NDNF: variants seen among roughly 807,000 people sequenced by gnomAD.
The protein encoded by NDNF is neuron derived neurotrophic factor, also known as protein NDNF.
NDNF carries 16 observed loss-of-function variants against 42.0 expected under a neutral mutation model. The observed-to-expected ratio is 0.38, with a 90% CI of 0.26 to 0.58. The LOEUF is 0.58. NDNF is among the 20% of genes least tolerant of loss of function. The probability of loss-of-function intolerance (pLI) is 0.67; values close to 1 mark genes in which losing one functional copy is unlikely to be tolerated. For synonymous variants in NDNF, 248 were observed against 251.7 expected, an observed-to-expected ratio of 0.99 and a Z score of 0.14; for missense variants, 616 against 666.2, an observed-to-expected ratio of 0.92 and a Z score of 0.83.
At chr4:121,039,210 A>ATATATATATATATATATATAAAGACTATG (rs1726950070) in intron 3 of NDNF, among the ~76,000 whole-genome samples, 1 of 41,884 alleles carries the variant, frequency 2.4e-5, no homozygotes, top group African/African-American at 5.1e-5. Context: ...ATATATATAT[A>ATATATATATATATATATATAAAGACTATG]TATATATATA....
rs925798407 is a variant in NDNF at position 121,036,912 on chromosome 4, T to C, written c.1059A>G (p.Val353=). ...VELKDGKITD[V]FVKRKGAKFL... Reference sequence around the variant, plus strand: ...ACTTTGCTCCCTTCCTTTTAACAAATACATCTGTTATCTTCCCATCTTTTA... The same window carrying C: ...ACTTTGCTCCCTTCCTTTTAACAAACACATCTGTTATCTTCCCATCTTTTA... The change falls in exon 4 of 4, where the codon GTA becomes GTG. Residue 353 remains valine (V), a synonymous_variant. Coordinates refer to ENST00000379692, the MANE Select transcript of NDNF (RefSeq NM_024574.4). 1.2e-6 allele frequency: 2 copies of C among 1,613,996 alleles called. No homozygotes were observed. The highest frequency in any genetic ancestry group is 1.3e-5 in the African/African-American group (1 of 75,008).
At chr4:121,037,983 C>T (rs1387871042) in intron 3 of NDNF, 1 of 225,276 alleles carries the variant, frequency 4.4e-6, no homozygotes, top group Non-Finnish European at 8.7e-6. Flanking sequence ...TATCAGTTTG[C>T]ATTTGGATGG....
At chr4:121,040,954 TC>T (rs1226365102) in intron 2 of NDNF, among the ~76,000 whole-genome samples, 1 of 152,192 alleles carries the variant, frequency 6.6e-6, no homozygotes, top group Admixed American at 6.5e-5. Context: ...CCATTTCATA[TC>T]TTTTGGAATC....
intron 1 of NDNF, among the ~76,000 whole-genome samples, chr4:121,047,648 T>C (rs1727116733): frequency 6.6e-6 from 1 of 152,242 alleles, no homozygotes; most frequent in Non-Finnish European, 1.5e-5. Flanking sequence ...CTTCAGTTCC[T>C]TACTAGATGT....
intron 1 of NDNF, among the ~76,000 whole-genome samples, chr4:121,063,610 C>T (rs1038540049): frequency 1.3e-5 from 2 of 151,978 alleles, no homozygotes; most frequent in Admixed American, 1.3e-4. Context: ...TGATTTCAGG[C>T]TATAAGTAGA....
intron 3 of NDNF, 34 bp downstream of exon 3, chr4:121,039,896 A>G (rs766017797): frequency 2.5e-6 from 4 of 1,593,640 alleles, no homozygotes; most frequent in Non-Finnish European, 3.4e-6. Flanking sequence ...CCATCCATTC[A>G]AAGGTCCAGG....
intron 1 of NDNF, among the ~76,000 whole-genome samples, chr4:121,053,322 T>A (rs370906518): frequency 1.3e-5 from 2 of 152,158 alleles, no homozygotes; most frequent in East Asian, 3.8e-4. Flanking sequence ...ATGCGCTCCC[T>A]CTGAGTCTCA....
intron 1 of NDNF, among the ~76,000 whole-genome samples, chr4:121,051,343 G>A (rs1309335489): frequency 2.0e-5 from 3 of 152,108 alleles, no homozygotes; most frequent in African/African-American, 7.2e-5. Context: ...AATTGAACAT[G>A]TACAGACAAT....
chr4:121,065,287 T>C lies in NDNF; in HGVS notation c.-2+6706A>G, dbSNP rs367930392. 7.9e-4 allele frequency among the ~76,000 whole-genome samples: 120 copies of C among 151,962 alleles called. 1 individual carries two copies. Among genetic ancestry groups the C allele is most frequent in the African/African-American group, 2.7e-3 (111 of 41,490 alleles). On this transcript the variant is annotated intron_variant, in intron 1 of 3. Coordinates refer to ENST00000379692, the MANE Select transcript of NDNF (RefSeq NM_024574.4). ...TAAAAGTGACTATAAATAGATCTTC[T>C]GGTATTTCCTTCTTACACCATAATG...
At chr4:121,038,424 C>G (rs543745970) in intron 3 of NDNF, among the ~76,000 whole-genome samples, 17 of 146,260 alleles carry the variant, frequency 1.2e-4, no homozygotes, top group African/African-American at 4.6e-4. Flanking sequence ...AAAAAGAATG[C>G]TTAAGGTTCA....
intron 1 of NDNF, among the ~76,000 whole-genome samples, chr4:121,058,495 T>G (rs1036968588): frequency 2.6e-5 from 4 of 152,290 alleles, no homozygotes; most frequent in African/African-American, 9.6e-5. Flanking sequence ...ATGATGCAAC[T>G]GCTCCGAGCC....
At chr4:121,051,427 G>A (rs1188432637) in intron 1 of NDNF, among the ~76,000 whole-genome samples, 1 of 152,046 alleles carries the variant, frequency 6.6e-6, no homozygotes, top group African/African-American at 2.4e-5. Context: ...CTGTCCAACT[G>A]ACCTGGCATA....
chr4:121,068,769 G>C (rs1444586064), intron 1 of NDNF, among the ~76,000 whole-genome samples: 1 of 152,116 alleles, frequency 6.6e-6, no homozygotes, highest in Non-Finnish European at 1.5e-5. Context: ...CCTTATCATG[G>C]AGAAACTAAG....
intron 1 of NDNF, among the ~76,000 whole-genome samples, chr4:121,065,770 A>G (rs2148772733): frequency 6.6e-6 from 1 of 152,124 alleles, no homozygotes; most frequent in Non-Finnish European, 1.5e-5. Context: ...ATACATATAT[A>G]TGTATAAAAT....
At chr4:121,051,791 C>A (rs1727199137) in intron 1 of NDNF, among the ~76,000 whole-genome samples, 1 of 152,092 alleles carries the variant, frequency 6.6e-6, no homozygotes, top group Non-Finnish European at 1.5e-5. Flanking sequence ...CTTAAAAATC[C>A]ACTAAATGGT....
chr4:121,036,469 C>A lies in NDNF; in HGVS notation c.1502G>T (p.Cys501Phe). 4 of 1,614,154 alleles carry A rather than the reference C, an allele frequency of 2.5e-6. No individual in the cohort carries two copies. The highest frequency in any genetic ancestry group is 3.4e-6 in the Non-Finnish European group (4 of 1,180,026). ...EDQKKREQNQ[C>F]LGPDIRKKSE... ...CTTCTTCCTTATATCTGGTCCTAGA[C>A]ATTGGTTTTGCTCTCTTTTCTTCTG... is the stretch of plus-strand genomic sequence containing the variant. The change falls in exon 4 of 4, where the codon TGT becomes TTT. Residue 501 changes from cysteine to phenylalanine, a missense_variant. By Grantham distance (205) the Cys-to-Phe change is radical (BLOSUM62 -2). Coordinates refer to ENST00000379692, the MANE Select transcript of NDNF (RefSeq NM_024574.4).
At chr4:121,062,773 C>T (rs892260547) in intron 1 of NDNF, among the ~76,000 whole-genome samples, 2 of 151,820 alleles carry the variant, frequency 1.3e-5, no homozygotes, top group African/African-American at 4.8e-5. Flanking sequence ...TGGTGAGTGT[C>T]GCGGTCAACA....
chr4:121,044,020 G>A (rs1334207772), intron 2 of NDNF, among the ~76,000 whole-genome samples: 4 of 152,146 alleles, frequency 2.6e-5, no homozygotes, highest in African/African-American at 7.2e-5. Context: ...TCACTCCCAT[G>A]AATGTCATTT....
At position 121,036,573 on chromosome 4, in the gene NDNF, G is replaced by T; in HGVS notation, c.1398C>A (p.Thr466=). The change falls in exon 4 of 4, where the codon ACC becomes ACA. Residue 466 remains threonine, a synonymous_variant. Coordinates refer to ENST00000379692, the MANE Select transcript of NDNF (RefSeq NM_024574.4). Reference sequence around the variant, plus strand: ...TTTCCTGAGTGCCTAGCCAAGCCACGGTGGCTGAGGAACAGGTACGGAGCT... The same window carrying T: ...TTTCCTGAGTGCCTAGCCAAGCCACTGTGGCTGAGGAACAGGTACGGAGCT... ...FDKLRTCSSA[T]VAWLGTQERN... The T allele has an allele frequency of 6.2e-7, 1 of 1,614,050 alleles. No homozygotes were observed. The highest frequency in any genetic ancestry group is 8.5e-7 in the Non-Finnish European group (1 of 1,179,984).
Sources: allele counts gnomAD v4.1 joint callset (sites outside exome capture counted in the v4.1 genomes callset), GRCh38; gene constraint gnomAD v4.1.1; transcripts MANE v1.5; gene names NCBI Gene and HGNC (gene_info 2026-07-23, HGNC 2026-07-21).